The following RELN variants were observed in gnomAD, a reference collection of about 807,000 sequenced individuals.
The protein encoded by RELN is reelin.
Under a neutral mutation model 427.6 loss-of-function variants are expected in RELN, and 108 were observed. That is an observed-to-expected ratio of 0.25 (90% CI 0.22 to 0.30). The LOEUF (loss-of-function observed/expected upper bound fraction) is 0.30, where lower values mean the gene tolerates loss of function less well. RELN is among the 10% of genes least tolerant of loss of function. RELN has a pLI of 1.00. For synonymous variants in RELN, 1,524 were observed against 1,513.4 expected, an observed-to-expected ratio of 1.01 and a Z score of -0.16; for missense variants, 3,715 against 4,302.8, an observed-to-expected ratio of 0.86 and a Z score of 3.82.
At chr7:103,873,392 C>A (rs1472747136) in intron 2 of RELN, among the ~76,000 whole-genome samples, 1 of 133,320 alleles carries the variant, frequency 7.5e-6, no homozygotes, top group Non-Finnish European at 1.6e-5. Flanking sequence ...ACAAAAAACC[C>A]TTCAAAAAAT....
chr7:103,488,679 A>G (rs1379246095), intron 60 of RELN, among the ~76,000 whole-genome samples: 1 of 152,198 alleles, frequency 6.6e-6, no homozygotes, highest in South Asian at 2.1e-4. Flanking sequence ...CCTTGGATAA[A>G]TCTCTCAGCC....
At chr7:103,979,917 T>C (rs1330818391) in intron 1 of RELN, among the ~76,000 whole-genome samples, 1 of 152,176 alleles carries the variant, frequency 6.6e-6, no homozygotes, top group Non-Finnish European at 1.5e-5. Flanking sequence ...ATCCCAGCAC[T>C]TTGGGAGGCC....
chr7:103,758,036 G>A (rs663298), intron 4 of RELN, among the ~76,000 whole-genome samples: 71,705 of 151,626 alleles, frequency 0.47, 18,722 homozygotes, highest in African/African-American at 0.7. Context: ...ATGAATGTTC[G>A]GATAGGATGA....
chr7:103,521,481 G>C (rs1829708351), intron 48 of RELN, among the ~76,000 whole-genome samples: 1 of 152,002 alleles, frequency 6.6e-6, no homozygotes, highest in African/African-American at 2.4e-5. Flanking sequence ...TTCTTTCCTG[G>C]ACAACCTATA....
intron 2 of RELN, among the ~76,000 whole-genome samples, chr7:103,853,594 A>C (rs1229984831): frequency 6.6e-6 from 1 of 152,034 alleles, no homozygotes; most frequent in African/African-American, 2.4e-5. Flanking sequence ...TTAAATTTGG[A>C]ATTATTTCAC....
At chr7:103,516,292 T>C (rs990146274) in intron 49 of RELN, among the ~76,000 whole-genome samples, 1 of 133,712 alleles carries the variant, frequency 7.5e-6, no homozygotes, top group Non-Finnish European at 1.6e-5. Context: ...GTATCTTTTT[T>C]TTTTTTTTTT....
chr7:103,727,843 C>G (rs1790251513), intron 7 of RELN, among the ~76,000 whole-genome samples: 1 of 152,064 alleles, frequency 6.6e-6, no homozygotes, highest in Non-Finnish European at 1.5e-5. Flanking sequence ...AGCAAATACT[C>G]ATATTTTTAA....
intron 3 of RELN, among the ~76,000 whole-genome samples, chr7:103,780,643 C>T (rs767159824): frequency 3.9e-5 from 6 of 152,176 alleles, no homozygotes; most frequent in East Asian, 1.9e-4. Context: ...TCAGTGAGAA[C>T]ATTTGGTATT....
At chr7:103,599,115 C>T (rs184990655) in intron 24 of RELN, among the ~76,000 whole-genome samples, 6 of 152,300 alleles carry the variant, frequency 3.9e-5, no homozygotes, top group Non-Finnish European at 7.4e-5. Flanking sequence ...ACCTCCAAAA[C>T]ATTTCATGAC....
chr7:103,562,744 C>T (rs1025483252), intron 34 of RELN, among the ~76,000 whole-genome samples: 2 of 152,224 alleles, frequency 1.3e-5, no homozygotes, highest in African/African-American at 4.8e-5. Context: ...GGATGTGACA[C>T]AGCTGTCAGC....
chr7:103,908,161 G>T (rs980130190), intron 2 of RELN, among the ~76,000 whole-genome samples: 1 of 152,052 alleles, frequency 6.6e-6, no homozygotes, highest in Non-Finnish European at 1.5e-5. Flanking sequence ...CGCTGATCCA[G>T]GCTCTAGGGG....
chr7:103,475,347 G>A (rs3808048), intron 64 of RELN, among the ~76,000 whole-genome samples: 9,044 of 151,036 alleles, frequency 0.06, 371 homozygotes, highest in East Asian at 0.14. Flanking sequence ...CCCCACCCCC[G>A]CACCATAGCA....
At chr7:103,912,115 G>A (rs1795381173) in intron 2 of RELN, among the ~76,000 whole-genome samples, 1 of 151,564 alleles carries the variant, frequency 6.6e-6, no homozygotes, top group Non-Finnish European at 1.5e-5. Context: ...GAATGTTTAA[G>A]AGAAAAAATT....
intron 16 of RELN, among the ~76,000 whole-genome samples, chr7:103,643,891 G>C (rs1231502331): frequency 1.3e-5 from 2 of 151,924 alleles, no homozygotes; most frequent in Non-Finnish European, 2.9e-5. Context: ...ACAGGCATGT[G>C]CCATGCCTGA....
chr7:103,550,979 C>T (rs1830396930), intron 41 of RELN, 88 bp downstream of exon 41: 7 of 1,074,708 alleles, frequency 6.5e-6, no homozygotes, highest in Admixed American at 5.9e-5. Flanking sequence ...GTGGAAATTT[C>T]CCCATGATAA....
At position 103,917,177 on chromosome 7, in the gene RELN, A is replaced by T; in HGVS notation, c.235T>A (p.Ser79Thr). Residue 79 changes from serine (S) to threonine (T), a missense_variant, in exon 2 of 65, where the codon TCA becomes ACA. Transcript: ENST00000428762. ...AAGCCGTCAAAAAAGGTGCTTGTTG[A>T]AATTGTCACTGAAATGTAAGAAAGA... ...VPGQEYHVTI[S>T]TSTFFDGLLV... is the part of the protein sequence containing the mutation. The T allele has an allele frequency of 6.2e-7, 1 of 1,612,920 alleles. No individual in the cohort carries two copies. Among genetic ancestry groups the T allele is most frequent in the Non-Finnish European group, 8.5e-7 (1 of 1,179,038 alleles).
intron 36 of RELN, among the ~76,000 whole-genome samples, chr7:103,560,926 C>T (rs1830627988): frequency 6.6e-6 from 1 of 152,156 alleles, no homozygotes; most frequent in African/African-American, 2.4e-5. Flanking sequence ...TTCATTTGCA[C>T]ACCTAGGTTA....
At chr7:103,497,680 A>C (rs1828881707) in intron 55 of RELN, 140 bp downstream of exon 55, 1 of 747,632 alleles carries the variant, frequency 1.3e-6, no homozygotes, top group Non-Finnish European at 2.3e-6. Flanking sequence ...ATGTAATACA[A>C]ACAAAATCTG....
intron 36 of RELN, among the ~76,000 whole-genome samples, chr7:103,558,397 A>G (rs1180761136): frequency 6.6e-6 from 1 of 152,196 alleles, no homozygotes; most frequent in Admixed American, 6.6e-5. Context: ...AGTAACGAGG[A>G]AGCAGATGGA....
Sources: gnomAD v4.1 joint callset for allele counts (sites outside exome capture counted in the v4.1 genomes callset) on GRCh38, gnomAD v4.1.1 for gene constraint, MANE v1.5 for transcripts, NCBI Gene and HGNC (gene_info 2026-07-23, HGNC 2026-07-21) for gene names.